Variants in ADGRV1 observed in about 807,000 individuals in gnomAD.
The protein encoded by ADGRV1 is adhesion G protein-coupled receptor V1.
A neutral mutation model predicts 596.2 loss-of-function variants in ADGRV1; 359 were observed. The ratio of observed to expected loss-of-function variants is 0.60; its 90% CI spans 0.55 to 0.66. The LOEUF is 0.66. ADGRV1 is among the 30% of genes least tolerant of loss of function. The pLI is 0.00. For missense variants in ADGRV1, 7,274 were observed against 7,575.6 expected (o/e 0.96, Z 1.48); for synonymous variants, 2,681 against 2,679.2 (o/e 1.00, Z -0.02).
At chr5:90,775,317 A>G (rs1217453988) in intron 60 of ADGRV1, among the ~76,000 whole-genome samples, 2 of 152,190 alleles carry the variant, frequency 1.3e-5, no homozygotes, top group Non-Finnish European at 2.9e-5. Flanking sequence ...CATTAAGGGA[A>G]TGACATCACT....
chr5:90,622,152 G>T (rs1463936388), intron 4 of ADGRV1, among the ~76,000 whole-genome samples: 2 of 152,152 alleles, frequency 1.3e-5, no homozygotes, highest in Non-Finnish European at 2.9e-5. Context: ...TATTAGCAGT[G>T]TCTGCTTTTC....
At chr5:90,789,898 A>T in intron 69 of ADGRV1, 47 bp downstream of exon 69, 1 of 1,294,568 alleles carries the variant, frequency 7.7e-7, no homozygotes, top group Non-Finnish European at 1.0e-6. Flanking sequence ...TGCCTAACAA[A>T]TGTGGTTAAG....
chr5:90,788,391 A>G (rs1759711729), intron 68 of ADGRV1, 81 bp downstream of exon 68: 1 of 1,290,198 alleles, frequency 7.8e-7, no homozygotes, highest in South Asian at 1.7e-5. Flanking sequence ...TTGAAACTCT[A>G]TAAGCTTGTG....
intron 84 of ADGRV1, among the ~76,000 whole-genome samples, chr5:90,975,119 A>T (rs1336750059): frequency 6.6e-6 from 1 of 151,714 alleles, no homozygotes; most frequent in Non-Finnish European, 1.5e-5. Context: ...ATCACTGGCT[A>T]TCAGAGAAAT....
chr5:90,713,762 T>A (rs59520063), intron 42 of ADGRV1, among the ~76,000 whole-genome samples: 1,552 of 152,300 alleles, frequency 0.01, 18 homozygotes, highest in African/African-American at 0.036. Flanking sequence ...TGCATTCCTA[T>A]AAGGTCCTTA....
chr5:90,595,720 T>A (rs1760366338), intron 1 of ADGRV1, among the ~76,000 whole-genome samples: 2 of 115,646 alleles, frequency 1.7e-5, no homozygotes, highest in African/African-American at 3.4e-5. Flanking sequence ...GGCTCCTCAC[T>A]TCCCAGTAGG....
rs1186543661 is a variant in ADGRV1, at chr5:90,720,830, G to A, written c.9624-105G>A. ...TTCTTATCATCTCATCTTGGATTGTGTAAATTTAAAAATGTATTAAGTATA... is the reference window on the plus strand; with the variant it reads ...TTCTTATCATCTCATCTTGGATTGTATAAATTTAAAAATGTATTAAGTATA... On this transcript the variant is annotated intron_variant, in intron 44 of 89. Coordinates refer to ENST00000405460, the MANE Select transcript of ADGRV1 (RefSeq NM_032119.4). 3 of 926,998 alleles carry A rather than the reference G, an allele frequency of 3.2e-6. No homozygotes were observed. The East Asian group carries it at 8.8e-5, about 27-fold the overall frequency. 57.4% of individuals were successfully genotyped at this position (926,998 alleles called of 1,614,324 possible). A position where few individuals can be genotyped will look rare whatever the true frequency, so the allele number is the denominator to read the frequency against.
intron 43 of ADGRV1, 105 bp downstream of exon 43, chr5:90,716,834 C>A: frequency 2.6e-6 from 2 of 780,060 alleles, no homozygotes; most frequent in Non-Finnish European, 4.1e-6. Flanking sequence ...AACAATACTT[C>A]CAGCTTAGGT....
intron 31 of ADGRV1, among the ~76,000 whole-genome samples, chr5:90,691,383 T>C (rs1052997317): frequency 3.0e-4 from 34 of 115,008 alleles, no homozygotes; most frequent in Admixed American, 8.7e-4. Flanking sequence ...TAAACTTTTT[T>C]CTTTTTTTTT....
chr5:90,632,349 A>G (rs1765611593), intron 9 of ADGRV1, among the ~76,000 whole-genome samples: 1 of 152,194 alleles, frequency 6.6e-6, no homozygotes, highest in Admixed American at 6.5e-5. Flanking sequence ...TTGATGATGC[A>G]GAAATGTTGT....
At chr5:90,888,476 C>A (rs961026299) in intron 83 of ADGRV1, among the ~76,000 whole-genome samples, 2 of 151,966 alleles carry the variant, frequency 1.3e-5, no homozygotes, top group Non-Finnish European at 2.9e-5. Flanking sequence ...GGCAAAAGTG[C>A]TTAAAAACAA....
chr5:90,729,736 C>A lies in ADGRV1; in HGVS notation c.10521C>A (p.Ile3507=). ...TAGATTTTGCTGCTGTTAACAGAAT[C>A]CACTCCTTCACACCAGCCTCAGGAA... ...QSVDFAAVNR[I]HSFTPASGIA... Residue 3507 remains isoleucine, a synonymous_variant, in exon 50 of 90, where the codon ATC becomes ATA. Coordinates refer to ENST00000405460, the MANE Select transcript of ADGRV1 (RefSeq NM_032119.4). 4 of 1,613,260 alleles carry A rather than the reference C, an allele frequency of 2.5e-6. No homozygotes were observed. Among genetic ancestry groups the A allele is most frequent in the Non-Finnish European group, 3.4e-6 (4 of 1,179,382 alleles).
In ADGRV1 at chr5:90,627,328, A is replaced by G. The variant is rs1466881001; in HGVS notation, c.790A>G (p.Arg264Gly). 1.2e-6 allele frequency: 2 copies of G among 1,613,842 alleles called. No homozygotes were observed. The highest frequency in any genetic ancestry group is 1.7e-5 in the Admixed American group (1 of 60,024). Residue 264 changes from arginine (R) to glycine (G), a missense_variant, in exon 7 of 90, where the codon AGA (arginine) becomes GGA (glycine). Arg to Gly is a moderately radical substitution (Grantham distance 125, BLOSUM62 -2). Around this residue, in one of 5 missense-constraint regions of ADGRV1, gnomAD observed 1,715 missense variants for 1,708.8 expected, o/e 1.00. Transcript: ENST00000405460. ...CATTAAGAAAAATGATAGTCCCGTG[A>G]GATTCCTTCAGAGTATTTATTTGGT... is the stretch of plus-strand genomic sequence containing the variant. ...IIIKKNDSPV[R>G]FLQSIYLVPE...
At chr5:90,689,807 G>T in intron 29 of ADGRV1, 54 bp from the exon 30 acceptor site, 1 of 1,253,540 alleles carries the variant, frequency 8.0e-7, no homozygotes, top group Non-Finnish European at 1.1e-6. Flanking sequence ...CTAGTATATG[G>T]AATGTTTTGA....
intron 87 of ADGRV1, among the ~76,000 whole-genome samples, chr5:91,103,579 G>A (rs1057417354): frequency 1.3e-5 from 2 of 151,890 alleles, no homozygotes; most frequent in African/African-American, 4.8e-5. Flanking sequence ...CTGCAGGTGT[G>A]TTTTGCTTGG....
intron 9 of ADGRV1, among the ~76,000 whole-genome samples, chr5:90,632,202 C>T (rs1765595107): frequency 6.6e-6 from 1 of 152,074 alleles, no homozygotes; most frequent in African/African-American, 2.4e-5. Context: ...GCATAATCTA[C>T]AACTCATGCA....
chr5:90,629,243 T>A lies in ADGRV1; in HGVS notation c.1543T>A (p.Tyr515Asn), dbSNP rs1765183244. ...CTACATTCAGGATAGTGATGATGTC[T>A]ATGGCCTAATAACATTTTTTCCTAT... is the stretch of plus-strand genomic sequence containing the variant. ...LFYIQDSDDV[Y>N]GLITFFPMEN... is the part of the protein sequence containing the mutation. Residue 515 changes from tyrosine (Y) to asparagine (N), a missense_variant, in exon 9 of 90, where the codon TAT becomes AAT. Coordinates refer to ENST00000405460, the MANE Select transcript of ADGRV1 (RefSeq NM_032119.4). The A allele has an allele frequency of 6.2e-7, 1 of 1,609,902 alleles. No individual in the cohort carries two copies. The highest frequency in any genetic ancestry group is 1.3e-5 in the African/African-American group (1 of 74,668).
chr5:90,720,479 TCTGTAC>T (rs947347097), intron 44 of ADGRV1, among the ~76,000 whole-genome samples: 28 of 152,332 alleles, frequency 1.8e-4, no homozygotes, highest in African/African-American at 6.7e-4. Flanking sequence ...CAGGTAAAGG[TCTGTAC>T]TATTTTGTGT....
chr5:90,720,371 A>T (rs2149768496), intron 44 of ADGRV1, 148 bp downstream of exon 44: 1 of 492,000 alleles, frequency 2.0e-6, no homozygotes, highest in Admixed American at 3.9e-5. Context: ...GTCTAGAGAG[A>T]CCAGTTACTC....
Sources: allele counts gnomAD v4.1 joint callset (sites outside exome capture counted in the v4.1 genomes callset), GRCh38; gene constraint gnomAD v4.1.1; regional missense constraint gnomAD v4.1.1; transcripts MANE v1.5; gene names NCBI Gene and HGNC (gene_info 2026-07-23, HGNC 2026-07-21).